PCM1: variants seen among roughly 807,000 people sequenced by gnomAD.
The protein encoded by PCM1 is pericentriolar material 1.
PCM1 carries 157 observed loss-of-function variants against 241.9 expected under a neutral mutation model. The ratio of observed to expected loss-of-function variants is 0.65; its 90% confidence interval spans 0.57 to 0.74. The LOEUF is 0.74. PCM1 is among the 30% of genes least tolerant of loss of function. The probability of loss-of-function intolerance (pLI) is 0.00; values close to 1 mark genes in which losing one functional copy is unlikely to be tolerated. For missense variants in PCM1, 3,478 were observed against 2,360.1 expected (o/e 1.47, Z -9.81); for synonymous variants, 1,085 against 784.9 (o/e 1.38, Z -6.39).
intron 2 of PCM1, chr8:17,925,478 C>G (rs1327969893): frequency 6.6e-6 from 1 of 152,234 alleles, no homozygotes; most frequent in East Asian, 1.9e-4. Flanking sequence ...AGAAAAAAAC[C>G]TCAGAAATAA....
chr8:18,026,762 G>A (rs1049993040), intron 38 of PCM1, among the ~76,000 whole-genome samples: 7 of 151,938 alleles, frequency 4.6e-5, no homozygotes, highest in Non-Finnish European at 1.5e-5. Context: ...TTTTGGTTAA[G>A]TATATGTGCA....
At chr8:17,981,804 C>T (rs1214958001) in intron 24 of PCM1, among the ~76,000 whole-genome samples, 3 of 151,554 alleles carry the variant, frequency 2.0e-5, no homozygotes, top group South Asian at 2.1e-4. Flanking sequence ...CATAAAGGCT[C>T]AGTAATGTAA....
chr8:17,933,076 T>C (rs2129447967), intron 2 of PCM1, among the ~76,000 whole-genome samples: 1 of 152,346 alleles, frequency 6.6e-6, no homozygotes, highest in African/African-American at 2.4e-5. Context: ...ATGTATCTTT[T>C]TCAAATCTGT....
chr8:18,004,565 A>C (rs759983420), intron 29 of PCM1, among the ~76,000 whole-genome samples: 4 of 152,236 alleles, frequency 2.6e-5, no homozygotes, highest in African/African-American at 9.6e-5. Flanking sequence ...GTCTGAGGCC[A>C]GTAAAGAGTA....
chr8:17,963,339 G>A (rs2073386902), intron 17 of PCM1, 48 bp downstream of exon 17: 1 of 1,425,146 alleles, frequency 7.0e-7, no homozygotes, highest in Non-Finnish European at 9.6e-7. Flanking sequence ...ACCTGCCGAA[G>A]ATTGACCTGT....
chr8:17,989,745 AT>A, intron 26 of PCM1, 113 bp from the exon 27 acceptor site: 3 of 702,762 alleles, frequency 4.3e-6, no homozygotes, highest in Non-Finnish European at 6.6e-6. Context: ...GAGGAAACTT[AT>A]GAATATCTTT....
chr8:18,012,886 C>T (rs1252473098), intron 34 of PCM1, among the ~76,000 whole-genome samples: 2 of 152,046 alleles, frequency 1.3e-5, no homozygotes, highest in African/African-American at 4.8e-5. Flanking sequence ...AACTTCTGAA[C>T]ACTTTCTTTT....
intron 2 of PCM1, among the ~76,000 whole-genome samples, chr8:17,930,802 C>G (rs1453573672): frequency 6.6e-6 from 1 of 151,922 alleles, no homozygotes; most frequent in African/African-American, 2.4e-5. Context: ...ATGACGTGAA[C>G]CTGGGAGGCG....
At chr8:17,952,049 C>T (rs1057109655) in intron 8 of PCM1, among the ~76,000 whole-genome samples, 1 of 151,948 alleles carries the variant, frequency 6.6e-6, no homozygotes, top group African/African-American at 2.4e-5. Context: ...ATGGTGAAAC[C>T]CTGTCTCAAC....
intron 27 of PCM1, among the ~76,000 whole-genome samples, chr8:17,990,470 T>G (rs977658172): frequency 1.3e-4 from 19 of 151,922 alleles, no homozygotes; most frequent in African/African-American, 4.6e-4. Flanking sequence ...TGGTTGTTTT[T>G]TTTTGTTTGT....
intron 9 of PCM1, among the ~76,000 whole-genome samples, chr8:17,954,358 C>T (rs528857134): frequency 1.4e-4 from 21 of 147,874 alleles, no homozygotes; most frequent in Non-Finnish European, 2.5e-4. Flanking sequence ...ATCTGGGAGG[C>T]GGAGGTTGTG....
Position 17,957,553 on chromosome 8 carries a change from TAGAG to T in PCM1, c.1820_1823del (p.Arg607LysfsTer119). On this transcript the variant is annotated frameshift_variant, in exon 13 of 39. Transcript: ENST00000325083. LOFTEE classifies it high-confidence loss of function. ...TGTTTTCAGCAGATTGTCGATATAA[TAGAG>T]AAGGGGAACAGGAGATTCATGTTGC... 6.3e-7 allele frequency: 1 copy of T among 1,580,834 alleles called. No individual in the cohort carries two copies. The highest frequency in any genetic ancestry group is 8.6e-7 in the Non-Finnish European group (1 of 1,161,498).
In PCM1 at chr8:18,023,587, G is replaced by T. The variant is rs1036872990; in HGVS notation, c.5842-1774G>T. ...GTTTTTATGTTAATTAGATATTGTT[G>T]CCCCAAATTTAAAAGATCTTAATAA... On this transcript the variant is annotated intron_variant, in intron 36 of 38. Coordinates refer to ENST00000325083, the MANE Select transcript of PCM1 (RefSeq NM_006197.4). Among the ~76,000 whole-genome samples the T allele has an allele frequency of 4.6e-5, 7 of 152,258 alleles. No homozygotes were observed. The South Asian group carries it at 6.2e-4, about 14-fold the overall frequency.
Position 18,027,733 on chromosome 8 carries a change from A to ACAT in PCM1, c.*73_*75dup. The ACAT allele has an allele frequency of 9.3e-7, 1 of 1,074,170 alleles. No individual in the cohort carries two copies. Among genetic ancestry groups the ACAT allele is most frequent in the Non-Finnish European group, 1.4e-6 (1 of 728,984 alleles). The allele number at this position is 1,074,170 out of a possible 1,614,324, so 66.5% of individuals were successfully genotyped here. On this transcript the variant is annotated 3_prime_UTR_variant, in exon 39 of 39. Coordinates refer to ENST00000325083, the MANE Select transcript of PCM1 (RefSeq NM_006197.4). ...CATATATGAAAACAATACTAAATAA[A>ACAT]CATCTGATCTGTATAAAAATGTAAA... is the stretch of plus-strand genomic sequence containing the variant.
intron 3 of PCM1, among the ~76,000 whole-genome samples, chr8:17,936,339 G>T (rs1227166273): frequency 1.3e-5 from 2 of 152,032 alleles, no homozygotes; most frequent in Admixed American, 1.3e-4. Flanking sequence ...AAAGAAGGGG[G>T]TTTTGTTAAA....
At chr8:17,923,814 A>G (rs1314957111) in intron 1 of PCM1, among the ~76,000 whole-genome samples, 3 of 151,414 alleles carry the variant, frequency 2.0e-5, no homozygotes, top group Non-Finnish European at 2.9e-5. Flanking sequence ...CTCCCTTCCT[A>G]CCTATCTAGT....
chr8:17,954,828 C>T (rs1389849038), intron 9 of PCM1, among the ~76,000 whole-genome samples: 1 of 152,080 alleles, frequency 6.6e-6, no homozygotes, highest in South Asian at 2.1e-4. Context: ...AAATTTAGTT[C>T]AAGGACCATA....
At chr8:18,018,281 C>T (rs562551715) in intron 36 of PCM1, among the ~76,000 whole-genome samples, 1 of 152,174 alleles carries the variant, frequency 6.6e-6, no homozygotes, top group South Asian at 2.1e-4. Flanking sequence ...AGGAATTGAT[C>T]ATATTGAAAC....
chr8:17,939,922 G>A, intron 6 of PCM1, 61 bp downstream of exon 6: 1 of 1,156,090 alleles, frequency 8.6e-7, no homozygotes, highest in South Asian at 1.3e-5. Flanking sequence ...TGTATTTACT[G>A]ATGACATTCT....
Sources: allele counts gnomAD v4.1 joint callset (sites outside exome capture counted in the v4.1 genomes callset), GRCh38; gene constraint gnomAD v4.1.1; transcripts MANE v1.5; gene names NCBI Gene and HGNC (gene_info 2026-07-23, HGNC 2026-07-21).